Variants in IL16 observed in about 807,000 individuals in gnomAD.
The protein encoded by IL16 is pro-interleukin-16.
Under a neutral mutation model 110.1 loss-of-function variants are expected in IL16, and 67 were observed. The observed-to-expected ratio is 0.61, with a 90% confidence interval of 0.50 to 0.75. The LOEUF is 0.75. Among genes scored for constraint, IL16 ranks in the 30% least tolerant of loss-of-function variants. IL16 has a pLI of 0.00. For missense variants in IL16, 1,545 were observed against 1,655.0 expected (o/e 0.93, Z 1.15); for synonymous variants, 689 against 662.9 (o/e 1.04, Z -0.61).
intron 6 of IL16, 39 bp downstream of exon 6, chr15:81,273,243 T>C: frequency 7.0e-7 from 1 of 1,432,354 alleles, no homozygotes. Context: ...GGTGGAGGAA[T>C]CAGAAGCAGA....
At chr15:81,278,788 T>C (rs1567032940) in intron 6 of IL16, 29 bp from the exon 7 acceptor site, 3 of 1,501,914 alleles carry the variant, frequency 2.0e-6, no homozygotes, top group Non-Finnish European at 1.9e-6. Flanking sequence ...GCAACACTCT[T>C]CTTAGCTACA....
chr15:81,273,105 A>G lies in IL16; in HGVS notation c.691A>G (p.Ile231Val), dbSNP rs1181887419. 1.2e-6 allele frequency: 2 copies of G among 1,613,022 alleles called. No homozygotes were observed. Among genetic ancestry groups the G allele is most frequent in the South Asian group, 1.1e-5 (1 of 91,062 alleles). Residue 231 changes from isoleucine (I) to valine (V), a missense_variant, in exon 6 of 19, where the codon ATC becomes GTC. Transcript: ENST00000683961. ...KGQAKGLGFS[I>V]VGGKDSIYGP... ...TTTTCCCCAGGGTCTGGGCTTCAGC[A>G]TCGTTGGGGGAAAAGACAGCATTTA...
intron 5 of IL16, among the ~76,000 whole-genome samples, chr15:81,272,375 C>T (rs1235097719): frequency 6.6e-6 from 1 of 152,198 alleles, no homozygotes; most frequent in East Asian, 1.9e-4. Flanking sequence ...TCAACCTTTC[C>T]CGGGACTTAT....
At chr15:81,306,193 C>T (rs1411849612) in intron 17 of IL16, 27 bp downstream of exon 17, 1 of 1,604,600 alleles carries the variant, frequency 6.2e-7, no homozygotes. Context: ...CAGTGGAAGC[C>T]ACATGGGCCA....
chr15:81,299,827 C>G lies in IL16; in HGVS notation c.2501C>G (p.Ser834Cys). 6.2e-7 allele frequency: 1 copy of G among 1,613,972 alleles called. No homozygotes were observed. The highest frequency in any genetic ancestry group is 8.5e-7 in the Non-Finnish European group (1 of 1,179,984). ...EHLGSHIRAS[S>C]SSSSIRQRIS... ...CTAGGATCACACATCCGGGCCTCCT[C>G]CTCCTCCTCCTCCATCAGGCAGAGA... Residue 834 changes from serine (S) to cysteine (C), a missense_variant, in exon 14 of 19, where the codon TCC becomes TGC. Around this residue, in one of 3 missense-constraint regions of IL16, gnomAD observed 1,185 missense variants for 1,238.8 expected, o/e 0.96. Coordinates refer to ENST00000683961, the MANE Select transcript of IL16 (RefSeq NM_172217.5).
chr15:81,313,036 G>T lies in IL16; in HGVS notation c.*4238G>T. The T allele has an allele frequency of 2.5e-6, 1 of 392,868 alleles. No individual in the cohort carries two copies. Among genetic ancestry groups the T allele is most frequent in the Non-Finnish European group, 4.4e-6 (1 of 226,468 alleles). 24.3% of individuals were successfully genotyped at this position (392,868 alleles called of 1,614,324 possible). A position where few individuals can be genotyped will look rare whatever the true frequency, so the allele number is the denominator to read the frequency against. On this transcript the variant is annotated 3_prime_UTR_variant, in exon 19 of 19. Transcript: ENST00000683961. ...TTTGGGTAACAGGCAGATGGAGTTT[G>T]GAACACATGAATGGCTCATCACACG...
chr15:81,193,733 C>G (rs1052591448), upstream of IL16, among the ~76,000 whole-genome samples: 9 of 152,110 alleles, frequency 5.9e-5, no homozygotes, highest in Admixed American at 4.6e-4. Flanking sequence ...ACTGCACAGC[C>G]TTGGACGTGC....
At chr15:81,263,360 T>G (rs1898238740) in intron 3 of IL16, among the ~76,000 whole-genome samples, 2 of 151,782 alleles carry the variant, frequency 1.3e-5, no homozygotes, top group South Asian at 4.1e-4. Flanking sequence ...TTTTTTGTTT[T>G]TTTTTTTTTT....
chr15:81,287,970 AGTAGG>A (rs1195947346), intron 10 of IL16, among the ~76,000 whole-genome samples: 3 of 152,234 alleles, frequency 2.0e-5, no homozygotes, highest in Non-Finnish European at 4.4e-5. Flanking sequence ...AAATCAGTGG[AGTAGG>A]GCGTCAGGTT....
At chr15:81,204,437 C>T (rs985475585) in intron 1 of IL16, among the ~76,000 whole-genome samples, 3 of 152,056 alleles carry the variant, frequency 2.0e-5, no homozygotes, top group African/African-American at 7.3e-5. Context: ...TTTGCCCATT[C>T]AGTATGATAT....
upstream of IL16, among the ~76,000 whole-genome samples, chr15:81,196,378 T>C (rs1895597324): frequency 6.6e-6 from 1 of 152,218 alleles, no homozygotes; most frequent in Admixed American, 6.5e-5. Context: ...GATGGCAGGA[T>C]TGTATGTGAT....
chr15:81,255,351 T>A (rs1897908594), intron 2 of IL16, among the ~76,000 whole-genome samples: 1 of 152,174 alleles, frequency 6.6e-6, no homozygotes, highest in South Asian at 2.1e-4. Flanking sequence ...GTGAAGCACA[T>A]CAATTTCACA....
intron 2 of IL16, among the ~76,000 whole-genome samples, chr15:81,239,041 G>T (rs560709470): frequency 6.8e-6 from 1 of 146,128 alleles, no homozygotes; most frequent in Admixed American, 6.8e-5. Flanking sequence ...TCATCTTTTT[G>T]TTATTTAAAC....
At chr15:81,224,835 C>T (rs954189241) in intron 1 of IL16, among the ~76,000 whole-genome samples, 1 of 152,168 alleles carries the variant, frequency 6.6e-6, no homozygotes, top group Non-Finnish European at 1.5e-5. Flanking sequence ...CCAAGGGGAC[C>T]AGGAAAGTGG....
At chr15:81,232,054 T>TTTTTTTTTTTTTTTG (rs1567009305) in intron 2 of IL16, among the ~76,000 whole-genome samples, 6 of 133,568 alleles carry the variant, frequency 4.5e-5, no homozygotes, top group Admixed American at 1.5e-4. Flanking sequence ...TTTTTTTTTT[T>TTTTTTTTTTTTTTTG]TTTTTTTTTT....
chr15:81,222,364 T>C (rs1429810254), intron 1 of IL16, among the ~76,000 whole-genome samples: 1 of 146,330 alleles, frequency 6.8e-6, no homozygotes, highest in Non-Finnish European at 1.5e-5. Flanking sequence ...AGAGCTACTA[T>C]TCCAGGAGGG....
rs537502734 is a variant in IL16 at position 81,270,514 on chromosome 15, A to C, written c.675+866A>C. The stretch of plus-strand genomic sequence containing the variant: ...TTCTGTCTGCTGGGAGCTTAGCAGG[A>C]AATAAAAAAGAAGAGAGACATGAGA... On this transcript the variant is annotated intron_variant, in intron 5 of 18. Transcript: ENST00000683961. Among the ~76,000 whole-genome samples the C allele has an allele frequency of 3.9e-5, 6 of 152,302 alleles. No individual in the cohort carries two copies. In the South Asian group the frequency reaches 8.3e-4, roughly 21 times the overall value.
chr15:81,281,095 T>C (rs949914206), intron 8 of IL16, among the ~76,000 whole-genome samples: 6 of 152,212 alleles, frequency 3.9e-5, no homozygotes, highest in African/African-American at 1.4e-4. Context: ...TGACGCCCAT[T>C]AGACTGAAAA....
At chr15:81,231,865 C>A (rs1026135527) in intron 2 of IL16, among the ~76,000 whole-genome samples, 1 of 152,126 alleles carries the variant, frequency 6.6e-6, no homozygotes, top group Non-Finnish European at 1.5e-5. Flanking sequence ...CACCCCACTG[C>A]ATAGCAGTGT....
Sources: gnomAD v4.1 joint callset for allele counts (sites outside exome capture counted in the v4.1 genomes callset) on GRCh38, gnomAD v4.1.1 for gene constraint, gnomAD v4.1.1 regional missense constraint, MANE v1.5 for transcripts, NCBI Gene and HGNC (gene_info 2026-07-23, HGNC 2026-07-21) for gene names.